SMYD3: variants seen among roughly 807,000 people sequenced by gnomAD.
SMYD3 encodes histone-lysine N-methyltransferase SMYD3.
In SMYD3, 36 loss-of-function variants were observed where a neutral mutation model predicts 57.7. That is an observed-to-expected ratio of 0.62 (90% CI 0.48 to 0.82). The LOEUF is 0.82. Among genes scored for constraint, SMYD3 ranks in the 40% least tolerant of loss-of-function variants. SMYD3 has a pLI of 0.00. For missense variants in SMYD3, 515 were observed against 538.8 expected (o/e 0.96, Z 0.44); for synonymous variants, 211 against 195.0 (o/e 1.08, Z -0.68).
At chr1:245,855,418 C>T (rs2051191624) in intron 10 of SMYD3, among the ~76,000 whole-genome samples, 1 of 152,238 alleles carries the variant, frequency 6.6e-6, no homozygotes. Context: ...CTGTAACCAT[C>T]TTTAATAGGA....
chr1:246,328,251 G>A (rs1279656067), intron 4 of SMYD3, among the ~76,000 whole-genome samples: 1 of 152,068 alleles, frequency 6.6e-6, no homozygotes, highest in Non-Finnish European at 1.5e-5. Context: ...AGAAGGAGAT[G>A]GTTCTAAAAC....
chr1:246,111,274 T>C (rs190939653), intron 5 of SMYD3: 4 of 152,258 alleles, frequency 2.6e-5, no homozygotes, highest in Admixed American at 1.3e-4. Context: ...TAGTAATCAG[T>C]CTAGCCAGTG....
intron 10 of SMYD3, among the ~76,000 whole-genome samples, chr1:245,798,089 ATTT>A (rs763778852): frequency 2.1e-4 from 31 of 150,830 alleles, no homozygotes; most frequent in African/African-American, 6.8e-4. Flanking sequence ...AAACATTCTT[ATTT>A]TTTTTTTTAA....
intron 4 of SMYD3, 102 bp downstream of exon 4, chr1:246,330,378 A>G: frequency 1.1e-6 from 1 of 929,358 alleles, no homozygotes; most frequent in Non-Finnish European, 1.6e-6. Flanking sequence ...TTTGCATCAC[A>G]TTATAAAGAA....
intron 1 of SMYD3, among the ~76,000 whole-genome samples, chr1:246,487,942 C>G (rs1017770454): frequency 6.6e-6 from 1 of 152,142 alleles, no homozygotes; most frequent in Non-Finnish European, 1.5e-5. Flanking sequence ...GATCTGCATG[C>G]CTCAGCCTCC....
intron 3 of SMYD3, 74 bp from the exon 4 acceptor site, chr1:246,330,611 C>A: frequency 7.9e-7 from 1 of 1,265,214 alleles, no homozygotes; most frequent in South Asian, 1.6e-5. Flanking sequence ...GTTTGAGTAC[C>A]TTTGTATATT....
intron 1 of SMYD3, among the ~76,000 whole-genome samples, chr1:246,436,918 T>TTTTTA (rs2067386274): frequency 6.8e-6 from 1 of 147,268 alleles, no homozygotes; most frequent in Admixed American, 6.7e-5. Context: ...TTTTTTTTTT[T>TTTTTA]GAGACAGAGT....
chr1:246,170,182 T>A (rs894063886), intron 5 of SMYD3, among the ~76,000 whole-genome samples: 1 of 152,092 alleles, frequency 6.6e-6, no homozygotes, highest in East Asian at 1.9e-4. Flanking sequence ...TTAAATAATA[T>A]ATTTTTCATT....
At chr1:245,761,336 T>G (rs1217695751) in intron 11 of SMYD3, among the ~76,000 whole-genome samples, 1 of 151,930 alleles carries the variant, frequency 6.6e-6, no homozygotes, top group African/African-American at 2.4e-5. Context: ...CAGAAGGGTG[T>G]GAGGGCAGCA....
At chr1:246,192,627 C>T (rs770915950) in intron 5 of SMYD3, among the ~76,000 whole-genome samples, 2 of 152,084 alleles carry the variant, frequency 1.3e-5, no homozygotes, top group Non-Finnish European at 2.9e-5. Flanking sequence ...TCCAAAATTA[C>T]GGTACCTATC....
chr1:246,262,495 G>A (rs2064029998), intron 5 of SMYD3, among the ~76,000 whole-genome samples: 1 of 152,128 alleles, frequency 6.6e-6, no homozygotes. Flanking sequence ...CATTTCAGAT[G>A]AGGAAATAAA....
chr1:246,074,458 T>A (rs1439933215), intron 5 of SMYD3, among the ~76,000 whole-genome samples: 1 of 151,068 alleles, frequency 6.6e-6, no homozygotes, highest in East Asian at 1.9e-4. Flanking sequence ...ATATATAACA[T>A]ACCAAATATA....
intron 5 of SMYD3, 52 bp downstream of exon 5, chr1:246,327,149 A>G (rs1485952163): frequency 6.2e-7 from 1 of 1,607,052 alleles, no homozygotes. Flanking sequence ...CAACAAAATA[A>G]GGAGCAAATG....
At chr1:246,138,948 C>T (rs2061708691) in intron 5 of SMYD3, among the ~76,000 whole-genome samples, 1 of 152,152 alleles carries the variant, frequency 6.6e-6, no homozygotes, top group Non-Finnish European at 1.5e-5. Context: ...AGAGCCTTCA[C>T]AATCAGTCAC....
intron 7 of SMYD3, among the ~76,000 whole-genome samples, chr1:245,918,270 G>A (rs1379905526): frequency 2.0e-5 from 3 of 152,168 alleles, no homozygotes; most frequent in Admixed American, 2.0e-4. Flanking sequence ...GTAAAAACTG[G>A]CAAAGGTCTT....
At chr1:245,792,519 T>A (rs576042469) in intron 10 of SMYD3, among the ~76,000 whole-genome samples, 1 of 152,190 alleles carries the variant, frequency 6.6e-6, no homozygotes, top group Non-Finnish European at 1.5e-5. Context: ...TCTGATCACT[T>A]TGAGAAAAAG....
intron 2 of SMYD3, among the ~76,000 whole-genome samples, chr1:246,341,061 C>G (rs550516485): frequency 1.3e-5 from 2 of 152,164 alleles, no homozygotes; most frequent in Admixed American, 1.3e-4. Context: ...TCCAGCTTTT[C>G]CTAAAAGAAA....
At chr1:246,483,342 G>A (rs1175347752) in intron 1 of SMYD3, 1 of 152,072 alleles carries the variant, frequency 6.6e-6, no homozygotes, top group African/African-American at 2.4e-5. Flanking sequence ...GCAATGAAAA[G>A]AACAACCATT....
intron 5 of SMYD3, among the ~76,000 whole-genome samples, chr1:246,255,995 CACAT>C (rs1406656676): frequency 1.7e-4 from 25 of 143,824 alleles, no homozygotes; most frequent in Non-Finnish European, 2.7e-4. Context: ...GATACACACA[CACAT>C]ACATACATAC....
Sources: gnomAD v4.1 joint callset for allele counts (sites outside exome capture counted in the v4.1 genomes callset) on GRCh38, gnomAD v4.1.1 for gene constraint, MANE v1.5 for transcripts, NCBI Gene and HGNC (gene_info 2026-07-23, HGNC 2026-07-21) for gene names.